The following SPOCK1 variants were observed in gnomAD, a reference collection of about 807,000 sequenced individuals.
SPOCK1 encodes testican-1.
Under a neutral mutation model 55.3 loss-of-function variants are expected in SPOCK1, and 23 were observed. The ratio of observed to expected loss-of-function variants is 0.42; its 90% CI spans 0.30 to 0.59. The LOEUF is 0.59. SPOCK1 is among the 20% of genes least tolerant of loss of function. The pLI is 0.22. For missense variants in SPOCK1, 499 were observed against 552.5 expected, an observed-to-expected ratio of 0.90 and a Z score of 0.97; for synonymous variants, 226 against 221.0, an observed-to-expected ratio of 1.02 and a Z score of -0.20.
intron 4 of SPOCK1, among the ~76,000 whole-genome samples, chr5:137,131,971 C>CACAAAAAAA (rs1753888981): frequency 2.4e-4 from 3 of 12,726 alleles, no homozygotes; most frequent in Non-Finnish European, 3.7e-4. Context: ...GACTCCGTCT[C>CACAAAAAAA]AAAAAAAAAA....
intron 3 of SPOCK1, among the ~76,000 whole-genome samples, chr5:137,246,791 G>A (rs116431205): frequency 6.6e-6 from 1 of 152,030 alleles, no homozygotes; most frequent in African/African-American, 2.4e-5. Context: ...TGGCACATGA[G>A]GGGTAGAAGC....
chr5:137,470,301 G>C (rs1339646838), intron 2 of SPOCK1, among the ~76,000 whole-genome samples: 1 of 152,186 alleles, frequency 6.6e-6, no homozygotes, highest in East Asian at 1.9e-4. Flanking sequence ...GATTGATCAA[G>C]AAAAATTTAA....
intron 4 of SPOCK1, among the ~76,000 whole-genome samples, chr5:137,139,667 A>C (rs527752927): frequency 5.9e-5 from 9 of 152,252 alleles, no homozygotes; most frequent in African/African-American, 2.2e-4. Context: ...CATACTACCC[A>C]CTTGGGAACT....
intron 6 of SPOCK1, among the ~76,000 whole-genome samples, chr5:137,028,720 T>C (rs555917945): frequency 7.2e-5 from 11 of 152,150 alleles, no homozygotes; most frequent in African/African-American, 1.7e-4. Flanking sequence ...TGAACACATG[T>C]GAAATCTCTC....
chr5:137,182,297 G>A (rs1243177074), intron 3 of SPOCK1, among the ~76,000 whole-genome samples: 1 of 152,048 alleles, frequency 6.6e-6, no homozygotes, highest in Non-Finnish European at 1.5e-5. Context: ...ACACACCACC[G>A]GGTCTTTGCT....
At chr5:137,195,129 T>C (rs1037893221) in intron 3 of SPOCK1, among the ~76,000 whole-genome samples, 1 of 152,226 alleles carries the variant, frequency 6.6e-6, no homozygotes, top group Admixed American at 6.5e-5. Flanking sequence ...ACTCTAACAA[T>C]GTAAAATGAC....
intron 6 of SPOCK1, among the ~76,000 whole-genome samples, chr5:137,014,714 T>C (rs895220285): frequency 6.6e-6 from 1 of 152,200 alleles, no homozygotes; most frequent in African/African-American, 2.4e-5. Flanking sequence ...CTAAGACTCA[T>C]TAATCCAATT....
chr5:137,179,789 T>TG (rs954847960), intron 3 of SPOCK1, among the ~76,000 whole-genome samples: 32 of 152,114 alleles, frequency 2.1e-4, no homozygotes, highest in African/African-American at 7.5e-4. Context: ...AAAACAAAAA[T>TG]GGGGGGATTA....
chr5:137,204,111 A>C (rs1365642954), intron 3 of SPOCK1, among the ~76,000 whole-genome samples: 1 of 151,330 alleles, frequency 6.6e-6, no homozygotes, highest in East Asian at 1.9e-4. Context: ...GCCTTGTTTT[A>C]CTCCTCTGTA....
rs1212789890 is a variant in SPOCK1 at position 137,273,538 on chromosome 5, T to G, written c.187-6483A>C. ...ATATGCTCTCTTAATTCACCTACCA[T>G]CATTCCTTTGAAAAGGTCCCAACAA... On this transcript the variant is annotated intron_variant, in intron 2 of 10. Coordinates refer to ENST00000394945, the MANE Select transcript of SPOCK1 (RefSeq NM_004598.4). Among the ~76,000 whole-genome samples, 4 of 152,222 alleles carry G rather than the reference T, an allele frequency of 2.6e-5. No homozygotes were observed. The East Asian group carries it at 7.7e-4, about 29-fold the overall frequency.
chr5:137,351,895 C>G (rs1750688693), intron 2 of SPOCK1, among the ~76,000 whole-genome samples: 1 of 152,222 alleles, frequency 6.6e-6, no homozygotes, highest in African/African-American at 2.4e-5. Context: ...AGCTCAGCCT[C>G]TCATCAGCCT....
intron 3 of SPOCK1, among the ~76,000 whole-genome samples, chr5:137,259,588 T>C (rs1756706341): frequency 1.3e-5 from 2 of 151,288 alleles, no homozygotes; most frequent in Admixed American, 1.3e-4. Context: ...TGTATACCTA[T>C]GTAACAACCC....
chr5:137,236,518 C>T lies in SPOCK1; in HGVS notation c.232+30492G>A, dbSNP rs118173273. 8.3e-4 allele frequency among the ~76,000 whole-genome samples: 127 copies of T among 152,268 alleles called. 3 individuals are homozygous for T. In the East Asian group the frequency reaches 0.018, roughly 22 times the overall value. On this transcript the variant is annotated intron_variant, in intron 3 of 10. Coordinates refer to ENST00000394945, the MANE Select transcript of SPOCK1 (RefSeq NM_004598.4). Reference sequence around the variant, plus strand: ...TATGTGAACCTCTGCTTAAACTCTCCCTGTAGGCCCCACAAATGTTAGAGG... The same window carrying T: ...TATGTGAACCTCTGCTTAAACTCTCTCTGTAGGCCCCACAAATGTTAGAGG...
At chr5:137,204,820 G>A (rs772790875) in intron 3 of SPOCK1, among the ~76,000 whole-genome samples, 8 of 152,004 alleles carry the variant, frequency 5.3e-5, no homozygotes, top group Non-Finnish European at 1.2e-4. Flanking sequence ...CTCATATCCC[G>A]CTCTTTTCCC....
At chr5:137,234,883 C>T (rs1756145725) in intron 3 of SPOCK1, among the ~76,000 whole-genome samples, 1 of 152,318 alleles carries the variant, frequency 6.6e-6, no homozygotes, top group East Asian at 1.9e-4. Flanking sequence ...ACCAAACATT[C>T]TTCCAATAAA....
At chr5:137,153,190 C>A (rs1305014305) in intron 3 of SPOCK1, among the ~76,000 whole-genome samples, 1 of 152,174 alleles carries the variant, frequency 6.6e-6, no homozygotes, top group East Asian at 1.9e-4. Context: ...ATCCCAAGTC[C>A]CCTGACATGT....
At chr5:137,334,636 C>G (rs913866978) in intron 2 of SPOCK1, among the ~76,000 whole-genome samples, 2 of 152,170 alleles carry the variant, frequency 1.3e-5, no homozygotes, top group Non-Finnish European at 2.9e-5. Context: ...ACACAGTCTT[C>G]GGTTCAGAAT....
At chr5:137,368,564 T>C (rs1751125796) in intron 2 of SPOCK1, among the ~76,000 whole-genome samples, 1 of 152,178 alleles carries the variant, frequency 6.6e-6, no homozygotes, top group Non-Finnish European at 1.5e-5. Flanking sequence ...ACAGTGTGCA[T>C]GGGGGACACA....
At position 137,139,011 on chromosome 5, in the gene SPOCK1, A is replaced by G. The variant is rs138981918; in HGVS notation, c.347+1569T>C. On this transcript the variant is annotated intron_variant, in intron 4 of 10. Transcript: ENST00000394945. The stretch of plus-strand genomic sequence containing the variant: ...TTCAGTCCTCTCATTTGTAAAGCAG[A>G]GACAAAATAAATACCAAATTTACAA... Among the ~76,000 whole-genome samples the G allele has an allele frequency of 2.0e-5, 3 of 152,318 alleles. No individual in the cohort carries two copies. In the East Asian group the frequency reaches 5.8e-4, roughly 29 times the overall value.
Sources: allele counts gnomAD v4.1 joint callset (sites outside exome capture counted in the v4.1 genomes callset), GRCh38; gene constraint gnomAD v4.1.1; transcripts MANE v1.5; gene names NCBI Gene and HGNC (gene_info 2026-07-23, HGNC 2026-07-21).